Variants in TANGO2 observed in about 807,000 individuals in gnomAD.
The protein encoded by TANGO2 is transport and golgi organization 2 homolog.
In TANGO2, 26 loss-of-function variants were observed where a neutral mutation model predicts 39.1. The ratio of observed to expected loss-of-function variants is 0.67; its 90% CI spans 0.49 to 0.92. The LOEUF is 0.92. TANGO2 is among the 40% of genes least tolerant of loss of function. TANGO2 has a pLI of 0.00. For missense variants in TANGO2, 326 were observed against 360.1 expected (o/e 0.91, Z 0.77); for synonymous variants, 131 against 144.5 (o/e 0.91, Z 0.67).
At chr22:20,028,615 G>A (rs769454657) in intron 1 of TANGO2, among the ~76,000 whole-genome samples, 2 of 152,224 alleles carry the variant, frequency 1.3e-5, no homozygotes, top group Non-Finnish European at 2.9e-5. Flanking sequence ...AGGGACCAGC[G>A]TTTCTTGGTA....
intron 2 of TANGO2, among the ~76,000 whole-genome samples, chr22:20,039,353 G>A (rs1284957551): frequency 6.6e-6 from 1 of 151,610 alleles, no homozygotes; most frequent in Non-Finnish European, 1.5e-5. Context: ...TTACAGCCGG[G>A]TGCGGTGGCT....
chr22:20,046,835 A>C (rs1417684842), intron 3 of TANGO2, among the ~76,000 whole-genome samples: 1 of 151,920 alleles, frequency 6.6e-6, no homozygotes, highest in Non-Finnish European at 1.5e-5. Context: ...ATGGGGTTTC[A>C]CCAGGTTGGC....
At chr22:20,038,875 ACTC>A (rs1200566574) in intron 2 of TANGO2, among the ~76,000 whole-genome samples, 1 of 150,190 alleles carries the variant, frequency 6.7e-6, no homozygotes, top group Non-Finnish European at 1.5e-5. Context: ...GCTGGGCTGG[ACTC>A]CTCACCTGTG....
chr22:20,043,566 A>G (rs1179451703), intron 3 of TANGO2, 123 bp downstream of exon 3: 9 of 693,780 alleles, frequency 1.3e-5, no homozygotes, highest in South Asian at 5.8e-5. Flanking sequence ...TAGAGGTGGA[A>G]CTGATGGGGC....
intron 4 of TANGO2, among the ~76,000 whole-genome samples, chr22:20,053,173 G>T (rs1199972577): frequency 6.6e-6 from 1 of 152,070 alleles, no homozygotes; most frequent in Non-Finnish European, 1.5e-5. Flanking sequence ...CCACTGAAAG[G>T]TGTTGTTTAC....
chr22:20,043,230 C>A, intron 2 of TANGO2, 125 bp from the exon 3 acceptor site: 1 of 694,468 alleles, frequency 1.4e-6, no homozygotes. Flanking sequence ...GCAGGACTGC[C>A]GGCTTCCTGC....
chr22:20,033,687 G>A (rs1327245428), intron 1 of TANGO2, among the ~76,000 whole-genome samples: 2 of 152,234 alleles, frequency 1.3e-5, no homozygotes, highest in Non-Finnish European at 2.9e-5. Context: ...GGAAAGACCA[G>A]CTCCTCCAGA....
At chr22:20,043,833 C>T (rs1302936538) in intron 3 of TANGO2, among the ~76,000 whole-genome samples, 1 of 151,980 alleles carries the variant, frequency 6.6e-6, no homozygotes, top group African/African-American at 2.4e-5. Flanking sequence ...GTGTGTGTGC[C>T]TGTGTTTGTG....
chr22:20,023,333 G>C (rs1601781854), intron 1 of TANGO2, among the ~76,000 whole-genome samples: 1 of 152,140 alleles, frequency 6.6e-6, no homozygotes, highest in South Asian at 2.1e-4. Context: ...GGCCGCAGGG[G>C]CCGCTGCGAG....
intron 2 of TANGO2, among the ~76,000 whole-genome samples, chr22:20,042,852 CA>C (rs1301488862): frequency 3.3e-5 from 5 of 152,148 alleles, no homozygotes; most frequent in African/African-American, 1.2e-4. Context: ...CATCCACTCC[CA>C]ACCAACCCGA....
chr22:20,036,081 G>A lies in TANGO2; in HGVS notation c.-39-679G>A, dbSNP rs990876459. 7.2e-5 allele frequency among the ~76,000 whole-genome samples: 11 copies of A among 152,128 alleles called. No homozygotes were observed. The East Asian group carries it at 1.3e-3, about 19-fold the overall frequency. ...TATCAGCCTGCCTGCTACTTAGGTC[G>A]TAAGTTAAATACTTAAAAAGTCCCT... On this transcript the variant is annotated intron_variant, in intron 1 of 8. Transcript: ENST00000327374.
intron 5 of TANGO2, 96 bp from the exon 6 acceptor site, chr22:20,055,847 C>A: frequency 8.8e-7 from 1 of 1,141,106 alleles, no homozygotes; most frequent in Non-Finnish European, 1.3e-6. Flanking sequence ...CTGCGCACAT[C>A]GCTAGCCTCC....
Position 20,061,803 on chromosome 22 carries a change from G to T in TANGO2, c.605+120G>T, listed in dbSNP as rs1048247164. Reference sequence around the variant, plus strand: ...TGGCCAGGCTGGGTCCCCAGCTGCAGGGAAGCTGATGGATATCCTGTCCTC... The same window carrying T: ...TGGCCAGGCTGGGTCCCCAGCTGCATGGAAGCTGATGGATATCCTGTCCTC... On this transcript the variant is annotated intron_variant, in intron 7 of 8. Coordinates refer to ENST00000327374, the MANE Select transcript of TANGO2 (RefSeq NM_152906.7). The T allele has an allele frequency of 4.6e-6, 6 of 1,293,448 alleles. No individual in the cohort carries two copies. In the African/African-American group the frequency reaches 7.5e-5, roughly 16 times the overall value. The allele number at this position is 1,293,448 out of a possible 1,614,324, so 80.1% of individuals were successfully genotyped here.
At chr22:20,032,935 T>C (rs1016429300) in intron 1 of TANGO2, among the ~76,000 whole-genome samples, 14 of 152,082 alleles carry the variant, frequency 9.2e-5, no homozygotes, top group Non-Finnish European at 1.5e-5. Flanking sequence ...TCAGCAGGCA[T>C]GAGAGGGTGT....
rs571459335 is a variant in TANGO2 at position 20,026,999 on chromosome 22, A to C, written c.-40+5753A>C. On this transcript the variant is annotated intron_variant, in intron 1 of 8. Coordinates refer to ENST00000327374, the MANE Select transcript of TANGO2 (RefSeq NM_152906.7). ...GTCATTTATTAAAAAAAGAGGTTTAATTGGCTCTCGGTTCTGCAAGGTGCA... is the reference window on the plus strand; with the variant it reads ...GTCATTTATTAAAAAAAGAGGTTTACTTGGCTCTCGGTTCTGCAAGGTGCA... 2.0e-5 allele frequency among the ~76,000 whole-genome samples: 3 copies of C among 152,290 alleles called. No homozygotes were observed. The East Asian group carries it at 5.8e-4, about 29-fold the overall frequency.
chr22:20,048,975 A>G (rs760847404), intron 3 of TANGO2, among the ~76,000 whole-genome samples: 2 of 152,158 alleles, frequency 1.3e-5, no homozygotes, highest in Non-Finnish European at 2.9e-5. Flanking sequence ...AGTACAGTTT[A>G]TCTTATCTTT....
intron 6 of TANGO2, 77 bp from the exon 7 acceptor site, chr22:20,061,453 A>T: frequency 6.8e-7 from 1 of 1,478,256 alleles, no homozygotes; most frequent in African/African-American, 1.4e-5. Flanking sequence ...ACCCCGTGTT[A>T]GGTGGGTGGC....
chr22:20,064,702 C>T lies in TANGO2; in HGVS notation c.*40C>T, dbSNP rs754546353. ...CTGGCCAGTGGGCTCCTGGGGGGCC[C>T]TGCCTTGAGGGGCACTGTGGACAGG... On this transcript the variant is annotated 3_prime_UTR_variant, in exon 9 of 9. Transcript: ENST00000327374. The T allele has an allele frequency of 6.2e-7, 1 of 1,611,266 alleles. No homozygotes were observed. Among genetic ancestry groups the T allele is most frequent in the African/African-American group, 1.3e-5 (1 of 74,998 alleles).
At chr22:20,054,034 C>A in intron 5 of TANGO2, 1 of 309,702 alleles carries the variant, frequency 3.2e-6, no homozygotes, top group Non-Finnish European at 6.3e-6. Context: ...CAGAACTTGG[C>A]CAATGCTGTT....
Sources: gnomAD v4.1 joint callset for allele counts (sites outside exome capture counted in the v4.1 genomes callset) on GRCh38, gnomAD v4.1.1 for gene constraint, MANE v1.5 for transcripts, NCBI Gene and HGNC (gene_info 2026-07-23, HGNC 2026-07-21) for gene names.